The following USP33 variants were observed in gnomAD, a reference collection of about 807,000 sequenced individuals.
USP33 encodes ubiquitin specific peptidase 33.
A neutral mutation model predicts 124.2 loss-of-function variants in USP33; 46 were observed. That is an observed-to-expected ratio of 0.37 (90% CI 0.29 to 0.47). The LOEUF is 0.47. Among genes scored for constraint, USP33 ranks in the 20% least tolerant of loss-of-function variants. The pLI is 0.99. For missense variants in USP33, 851 were observed against 1,070.6 expected (o/e 0.79, Z 2.86); for synonymous variants, 350 against 352.3 (o/e 0.99, Z 0.07).
chr1:77,728,905 G>T (rs1219624536), intron 9 of USP33, among the ~76,000 whole-genome samples, 193 bp from the exon 10 acceptor site: 1 of 152,040 alleles, frequency 6.6e-6, no homozygotes, highest in South Asian at 2.1e-4. Context: ...GTAAATAAAA[G>T]TTTTCTTTTT....
chr1:77,749,173 T>C (rs1680046628), intron 1 of USP33, among the ~76,000 whole-genome samples: 1 of 152,178 alleles, frequency 6.6e-6, no homozygotes, highest in South Asian at 2.1e-4. Context: ...GTATTTGGGG[T>C]CTATGGTGTT....
In USP33 at chr1:77,717,875, G is replaced by T. The variant is rs1309665384; in HGVS notation, c.1910C>A (p.Thr637Asn). 6.2e-7 allele frequency: 1 copy of T among 1,608,312 alleles called. No homozygotes were observed. The highest frequency in any genetic ancestry group is 1.3e-5 in the African/African-American group (1 of 74,592). The change falls in exon 17 of 24, where the codon ACT becomes AAT. Residue 637 changes from threonine to asparagine, a missense_variant. Physicochemically the swap from Thr to Asn is moderately conservative, Grantham distance 65 (BLOSUM62 0). Transcript: ENST00000370794. The stretch of plus-strand genomic sequence containing the variant: ...TAAACCTATATACTTACTACTTGCA[G>T]TTCCATGATGGCAAATGACTGACAG... ...DLLSVICHHG[T>N]ASSGHYIAYC...
chr1:77,758,354 G>A (rs535596137), intron 1 of USP33, among the ~76,000 whole-genome samples: 1 of 151,634 alleles, frequency 6.6e-6, no homozygotes, highest in African/African-American at 2.4e-5. Context: ...CTAATTTTTT[G>A]TAATTTTTAG....
At chr1:77,719,423 CTT>C (rs1676301785) in intron 15 of USP33, among the ~76,000 whole-genome samples, 1 of 152,144 alleles carries the variant, frequency 6.6e-6, no homozygotes, top group Admixed American at 6.5e-5. Context: ...CTGTATAACT[CTT>C]TGATGAAAAT....
chr1:77,721,601 T>C (rs578081022), intron 14 of USP33: 7 of 516,492 alleles, frequency 1.4e-5, no homozygotes, highest in South Asian at 4.8e-5. Flanking sequence ...CTTTAAAACA[T>C]TTCACTTATC....
chr1:77,728,051 C>G (rs1677359989), intron 10 of USP33, among the ~76,000 whole-genome samples: 1 of 152,164 alleles, frequency 6.6e-6, no homozygotes, highest in Admixed American at 6.5e-5. Flanking sequence ...TAGATTACTG[C>G]ATGACTACAC....
At chr1:77,715,660 A>G in intron 18 of USP33, 82 bp downstream of exon 18, 2 of 1,468,624 alleles carry the variant, frequency 1.4e-6, no homozygotes, top group Non-Finnish European at 1.8e-6. Flanking sequence ...TTGACTCAGC[A>G]ATCCATTAGA....
At position 77,736,044 on chromosome 1, in the gene USP33, G is replaced by C. The variant is rs1435692442; in HGVS notation, c.454+12C>G. On this transcript the variant is annotated intron_variant, in intron 6 of 23. Transcript: ENST00000370794. ...GTGCCATACAAAGAAGCGTTACACA[G>C]GATTAATTTACCTCTGGCCCTAAGT... is the stretch of plus-strand genomic sequence containing the variant. The C allele has an allele frequency of 6.3e-7, 1 of 1,585,234 alleles. No homozygotes were observed. Among genetic ancestry groups the C allele is most frequent in the South Asian group, 1.1e-5 (1 of 88,238 alleles).
rs755463233 is a variant in USP33, at chr1:77,714,699, A to G, written c.2130T>C (p.Tyr710=). ...NIMEPSLLQF[Y]ISRQWLNKFK... is the part of the protein sequence containing the mutation. The stretch of plus-strand genomic sequence containing the variant: ...ATTTATTAAGCCACTGTCGAGAAAT[A>G]TAAAACTGAAGGAGGCTTGGTTCCA... Residue 710 remains tyrosine, a synonymous_variant, in exon 19 of 24, where the codon TAT becomes TAC. Coordinates refer to ENST00000370794, the MANE Select transcript of USP33 (RefSeq NM_201624.3). 3 of 1,613,202 alleles carry G rather than the reference A, an allele frequency of 1.9e-6. No homozygotes were observed. Among genetic ancestry groups the G allele is most frequent in the South Asian group, 1.1e-5 (1 of 91,034 alleles).
chr1:77,697,697 T>G (rs1296742111), intron 23 of USP33, 166 bp downstream of exon 23: 3 of 896,416 alleles, frequency 3.3e-6, no homozygotes, highest in Non-Finnish European at 5.0e-6. Flanking sequence ...CTTAAGACCT[T>G]TCCTCAGATA....
At chr1:77,749,570 T>C (rs1473014365) in intron 1 of USP33, among the ~76,000 whole-genome samples, 2 of 152,070 alleles carry the variant, frequency 1.3e-5, no homozygotes, top group Admixed American at 6.6e-5. Flanking sequence ...TTAGTAGAGA[T>C]GGGATTTCAC....
chr1:77,731,403 T>C (rs1677791754), intron 7 of USP33, among the ~76,000 whole-genome samples: 1 of 152,208 alleles, frequency 6.6e-6, no homozygotes, highest in Admixed American at 6.5e-5. Flanking sequence ...GTGAGTTTGA[T>C]TAGCTTGAGG....
intron 21 of USP33, among the ~76,000 whole-genome samples, chr1:77,704,745 AGTAT>A (rs1214500088): frequency 7.2e-5 from 11 of 152,168 alleles, no homozygotes; most frequent in African/African-American, 2.7e-4. Context: ...CCTCTCCAAT[AGTAT>A]TTATTTTGCC....
intron 1 of USP33, among the ~76,000 whole-genome samples, chr1:77,743,711 G>A (rs1679394309): frequency 6.6e-6 from 1 of 152,094 alleles, no homozygotes; most frequent in Non-Finnish European, 1.5e-5. Flanking sequence ...AAGGGTTGTT[G>A]GTATTCTCAT....
In USP33 at chr1:77,704,598, C is replaced by T. The variant is rs575214113; in HGVS notation, c.2407-3127G>A. Among the ~76,000 whole-genome samples, 4 of 152,244 alleles carry T rather than the reference C, an allele frequency of 2.6e-5. No individual in the cohort carries two copies. In the South Asian group the frequency reaches 8.3e-4, roughly 32 times the overall value. On this transcript the variant is annotated intron_variant, in intron 21 of 23. Coordinates refer to ENST00000370794, the MANE Select transcript of USP33 (RefSeq NM_201624.3). ...CTAAATGTAGTTCTCACTCTGTTCTCTTTTAAAAAATACATAATAGAAAAA... is the reference window on the plus strand; with the variant it reads ...CTAAATGTAGTTCTCACTCTGTTCTTTTTTAAAAAATACATAATAGAAAAA...
chr1:77,716,263 T>C (rs1675888100), intron 17 of USP33, among the ~76,000 whole-genome samples: 1 of 152,120 alleles, frequency 6.6e-6, no homozygotes, highest in Non-Finnish European at 1.5e-5. Context: ...TCTTGCTATG[T>C]TGTCCAGGCT....
chr1:77,709,399 T>C (rs1674980930), intron 21 of USP33, among the ~76,000 whole-genome samples: 4 of 152,036 alleles, frequency 2.6e-5, no homozygotes, highest in African/African-American at 9.7e-5. Flanking sequence ...TCTGTAGTCC[T>C]AGCTACTCGG....
chr1:77,717,508 C>G (rs1282893439), intron 17 of USP33: 2 of 147,578 alleles, frequency 1.4e-5, no homozygotes. Flanking sequence ...AAAAAAAAAT[C>G]ATGTTAATGC....
chr1:77,746,993 C>A (rs1679806446), intron 1 of USP33, among the ~76,000 whole-genome samples: 1 of 152,084 alleles, frequency 6.6e-6, no homozygotes, highest in Non-Finnish European at 1.5e-5. Flanking sequence ...TGGATTTGTT[C>A]TTTTATTAAT....
Sources: allele counts gnomAD v4.1 joint callset (sites outside exome capture counted in the v4.1 genomes callset), GRCh38; gene constraint gnomAD v4.1.1; transcripts MANE v1.5; gene names NCBI Gene and HGNC (gene_info 2026-07-23, HGNC 2026-07-21).